Variants in CNBD1 observed in about 807,000 individuals in gnomAD.
CNBD1 encodes the protein cyclic nucleotide-binding domain-containing protein 1.
A neutral mutation model predicts 54.4 loss-of-function variants in CNBD1; 71 were observed. The observed-to-expected ratio is 1.30, with a 90% CI of 1.08 to 1.59. The LOEUF (loss-of-function observed/expected upper bound fraction) is 1.59. Ranked by LOEUF, CNBD1 falls within the 40% of genes most tolerant of loss-of-function variation. CNBD1 has a pLI of 0.00. For synonymous variants in CNBD1, 182 were observed against 170.7 expected (o/e 1.07, Z -0.51); for missense variants, 659 against 518.0 (o/e 1.27, Z -2.64).
chr8:86,922,253 A>T (rs769182846), intron 3 of CNBD1, among the ~76,000 whole-genome samples: 1 of 152,052 alleles, frequency 6.6e-6, no homozygotes, highest in African/African-American at 2.4e-5. Flanking sequence ...AAACCTTTAA[A>T]TGATCTCCCC....
At chr8:87,317,383 T>C (rs915052421) in intron 8 of CNBD1, among the ~76,000 whole-genome samples, 23 of 151,716 alleles carry the variant, frequency 1.5e-4, no homozygotes, top group African/African-American at 5.3e-4. Flanking sequence ...ATCTTTTTGT[T>C]TTCATCTCAC....
intron 8 of CNBD1, among the ~76,000 whole-genome samples, chr8:87,339,804 C>A (rs1166037027): frequency 1.3e-5 from 2 of 151,752 alleles, no homozygotes. Context: ...CACTTTTACT[C>A]TTCTCCCTTC....
chr8:87,257,243 C>T (rs1293996204), intron 6 of CNBD1, among the ~76,000 whole-genome samples: 3 of 151,774 alleles, frequency 2.0e-5, no homozygotes, highest in East Asian at 1.9e-4. Context: ...GTAGCAGGCA[C>T]CTGTAATACC....
chr8:87,038,649 A>G (rs926141358), intron 4 of CNBD1, among the ~76,000 whole-genome samples: 1 of 152,210 alleles, frequency 6.6e-6, no homozygotes, highest in Non-Finnish European at 1.5e-5. Flanking sequence ...GGCTCCTCAC[A>G]TCTTCCTAAT....
intron 4 of CNBD1, among the ~76,000 whole-genome samples, chr8:87,155,109 C>A (rs1812686690): frequency 6.6e-6 from 1 of 152,142 alleles, no homozygotes; most frequent in Non-Finnish European, 1.5e-5. Flanking sequence ...TTAAGAGGTG[C>A]ATTTGACTGT....
intron 4 of CNBD1, among the ~76,000 whole-genome samples, chr8:87,036,023 G>A (rs1809933017): frequency 6.6e-6 from 1 of 152,210 alleles, no homozygotes; most frequent in Admixed American, 6.5e-5. Context: ...ACACCTAGGA[G>A]CAAGAGAAGT....
chr8:86,900,665 C>T (rs1808918716), intron 2 of CNBD1, among the ~76,000 whole-genome samples: 1 of 151,952 alleles, frequency 6.6e-6, no homozygotes, highest in African/African-American at 2.4e-5. Context: ...ATAGGAAGTC[C>T]TTTTCTAAAG....
chr8:87,250,229 A>G (rs1807887095), intron 6 of CNBD1, among the ~76,000 whole-genome samples: 1 of 152,216 alleles, frequency 6.6e-6, no homozygotes, highest in Admixed American at 6.5e-5. Flanking sequence ...AAGAATGCTC[A>G]ACATAATTAA....
intron 2 of CNBD1, among the ~76,000 whole-genome samples, chr8:87,405,249 C>T (rs1807633185): frequency 6.6e-6 from 1 of 151,942 alleles, no homozygotes; most frequent in Non-Finnish European, 1.5e-5. Flanking sequence ...TATATAATTT[C>T]TTAAGGCCAG....
chr8:87,415,197 G>A (rs948348503), intron 2 of CNBD1, among the ~76,000 whole-genome samples: 1 of 151,984 alleles, frequency 6.6e-6, no homozygotes, highest in Non-Finnish European at 1.5e-5. Context: ...CCCTGTAGTC[G>A]TTGTTCTCTC....
intron 2 of CNBD1, among the ~76,000 whole-genome samples, chr8:87,414,542 T>A (rs112890245): frequency 6.6e-5 from 10 of 151,560 alleles, no homozygotes; most frequent in Admixed American, 6.6e-5. Context: ...AAAAAGAAAT[T>A]AATATGTACT....
At chr8:86,936,077 T>C (rs1412250658) in intron 3 of CNBD1, among the ~76,000 whole-genome samples, 5 of 152,098 alleles carry the variant, frequency 3.3e-5, no homozygotes, top group East Asian at 1.9e-4. Context: ...AGGCAGAGGT[T>C]GCAGTGAGCT....
chr8:87,229,133 A>G (rs188550845), intron 5 of CNBD1, among the ~76,000 whole-genome samples: 190 of 152,122 alleles, frequency 1.2e-3, no homozygotes, highest in African/African-American at 4.2e-3. Context: ...GCACCCACTG[A>G]CCTGCGCCCG....
chr8:86,935,004 GGTTTGTTT>G (rs139683366), intron 3 of CNBD1, among the ~76,000 whole-genome samples: 3,009 of 150,304 alleles, frequency 0.02, 30 homozygotes, highest in African/African-American at 0.023. Context: ...GAAGCATTTG[GGTTTGTTT>G]GTTTGTTTAT....
chr8:87,301,163 C>A (rs1218251931), intron 8 of CNBD1, among the ~76,000 whole-genome samples: 2 of 152,064 alleles, frequency 1.3e-5, no homozygotes, highest in East Asian at 1.9e-4. Flanking sequence ...GAATTAGATA[C>A]CCTGAACAGA....
At chr8:87,425,694 G>T (rs1270211885) in intron 2 of CNBD1, among the ~76,000 whole-genome samples, 2 of 151,536 alleles carry the variant, frequency 1.3e-5, no homozygotes, top group African/African-American at 4.9e-5. Flanking sequence ...CTCCAGCTGC[G>T]TGCTGGGAGA....
intron 4 of CNBD1, among the ~76,000 whole-genome samples, chr8:87,075,540 T>G (rs2336873): frequency 6.8e-4 from 103 of 152,324 alleles, no homozygotes; most frequent in Admixed American, 2.1e-3. Context: ...CCCTAGTTCC[T>G]GTTTTTGTTG....
chr8:87,075,995 G>T (rs1177385613), intron 4 of CNBD1, among the ~76,000 whole-genome samples: 1 of 151,994 alleles, frequency 6.6e-6, no homozygotes, highest in Non-Finnish European at 1.5e-5. Context: ...ATTTCCATTG[G>T]CATACTAAAG....
At chr8:86,883,774 G>A (rs1430263919) in intron 1 of CNBD1, among the ~76,000 whole-genome samples, 1 of 152,140 alleles carries the variant, frequency 6.6e-6, no homozygotes, top group Non-Finnish European at 1.5e-5. Flanking sequence ...TTTGGGTTGG[G>A]GAAATAGAAA....
Sources: allele counts gnomAD v4.1 joint callset (sites outside exome capture counted in the v4.1 genomes callset), GRCh38; gene constraint gnomAD v4.1.1; transcripts MANE v1.5; gene names NCBI Gene and HGNC (gene_info 2026-07-23, HGNC 2026-07-21).